Variants in ABCC9 observed in about 807,000 individuals in gnomAD.
ABCC9 encodes the protein ATP-binding cassette sub-family C member 9.
Under a neutral mutation model 188.3 loss-of-function variants are expected in ABCC9, and 95 were observed. The observed-to-expected ratio is 0.50, with a 90% CI of 0.43 to 0.60. The LOEUF (loss-of-function observed/expected upper bound fraction) is 0.60. ABCC9 is among the 20% of genes least tolerant of loss of function. The pLI is 0.00. For synonymous variants in ABCC9, 659 were observed against 652.7 expected (o/e 1.01, Z -0.15); for missense variants, 1,102 against 1,876.3 (o/e 0.59, Z 7.62).
At chr12:21,886,095 AAAATTT>A (rs1379367264) in intron 15 of ABCC9, among the ~76,000 whole-genome samples, 2 of 152,192 alleles carry the variant, frequency 1.3e-5, no homozygotes, top group African/African-American at 4.8e-5. Context: ...GAATTTCTTC[AAAATTT>A]TTTAGACACT....
At chr12:21,935,657 G>C (rs1321723288) in intron 3 of ABCC9, among the ~76,000 whole-genome samples, 2 of 152,084 alleles carry the variant, frequency 1.3e-5, no homozygotes, top group African/African-American at 4.8e-5. Context: ...TGTCTCCTGT[G>C]AAAAGATAGG....
chr12:21,929,160 A>G (rs1949171932), intron 4 of ABCC9, among the ~76,000 whole-genome samples: 1 of 152,108 alleles, frequency 6.6e-6, no homozygotes, highest in Non-Finnish European at 1.5e-5. Context: ...TAATACAATC[A>G]GTAAACGCAA....
rs564071879 is a variant in ABCC9 at position 21,852,085 on chromosome 12, A to G, written c.2769+12T>C. The G allele has an allele frequency of 1.2e-6, 2 of 1,613,502 alleles. No homozygotes were observed. The highest frequency in any genetic ancestry group is 2.2e-5 in the South Asian group (2 of 91,072). ...ATTGGGCTCTGAACTCTTCTGAACTATGAGCACTTACCTTTTCTAATTCTT... is the reference window on the plus strand; with the variant it reads ...ATTGGGCTCTGAACTCTTCTGAACTGTGAGCACTTACCTTTTCTAATTCTT... On this transcript the variant is annotated intron_variant, in intron 24 of 39. Coordinates refer to ENST00000261200, the MANE Select transcript of ABCC9 (RefSeq NM_020297.4).
chr12:21,842,768 GA>G (rs1419742111), intron 28 of ABCC9, among the ~76,000 whole-genome samples: 4 of 152,170 alleles, frequency 2.6e-5, no homozygotes, highest in Non-Finnish European at 5.9e-5. Context: ...GAGCAAGACA[GA>G]CTGTAAATCT....
In ABCC9 at chr12:21,937,573, CCAAA is replaced by C. The variant is rs762398125; in HGVS notation, c.-20-883_-20-880del. Among the ~76,000 whole-genome samples, 103 of 152,156 alleles carry C rather than the reference CCAAA, an allele frequency of 6.8e-4. 2 individuals carry two copies. Among genetic ancestry groups the C allele is most frequent in the Admixed American group, 7.2e-4 (11 of 15,242 alleles). ...AAATGGTTCTCTATTAATGCTGTGC[CCAAA>C]CAGATGGGAGATGAGCAAAGGTCTG... On this transcript the variant is annotated intron_variant, in intron 2 of 39. Transcript: ENST00000261200.
At chr12:21,806,998 CAG>C (rs1941902060) in intron 38 of ABCC9, among the ~76,000 whole-genome samples, 1 of 152,140 alleles carries the variant, frequency 6.6e-6, no homozygotes, top group South Asian at 2.1e-4. Flanking sequence ...TTCTATTAAA[CAG>C]AGATTTTCGT....
At chr12:21,929,678 G>A (rs2138723) in intron 4 of ABCC9, among the ~76,000 whole-genome samples, 60,369 of 151,800 alleles carry the variant, frequency 0.4, 12,205 homozygotes, top group Admixed American at 0.43. Context: ...AGATTCTTAC[G>A]GAAGCAGTTT....
At chr12:21,927,396 A>G (rs1347226588) in intron 4 of ABCC9, among the ~76,000 whole-genome samples, 1 of 152,186 alleles carries the variant, frequency 6.6e-6, no homozygotes, top group Non-Finnish European at 1.5e-5. Context: ...GAAGGAAGAA[A>G]AGCAGTTAGG....
intron 13 of ABCC9, among the ~76,000 whole-genome samples, chr12:21,894,603 G>C (rs868742086): frequency 1.6e-4 from 7 of 43,296 alleles, no homozygotes; most frequent in Admixed American, 3.4e-4. Flanking sequence ...ATCCAAAGAA[G>C]ACTTACTTCC....
rs188664439 is a variant in ABCC9, at chr12:21,845,514, G to A, written c.3096+89C>T. On this transcript the variant is annotated intron_variant, in intron 26 of 39. Transcript: ENST00000261200. ...TATCACAGAAGTCCTATGGCATTTG[G>A]GATATAAGCATCTAACTAGATAAGA... 4.3e-3 allele frequency: 4,226 copies of A among 981,902 alleles called. 14 individuals carry two copies. Among genetic ancestry groups the A allele is most frequent in the Middle Eastern group, 0.011 (52 of 4,872 alleles). The allele number at this position is 981,902 out of a possible 1,614,324, so 60.8% of individuals were successfully genotyped here.
At chr12:21,850,193 C>T (rs148223610) in intron 24 of ABCC9, among the ~76,000 whole-genome samples, 1 of 149,890 alleles carries the variant, frequency 6.7e-6, no homozygotes, top group African/African-American at 2.5e-5. Flanking sequence ...TTTGTGACAA[C>T]AAAAATGTCT....
chr12:21,940,864 G>C (rs1465277077), intron 1 of ABCC9, 39 bp from the exon 2 acceptor site: 5 of 152,128 alleles, frequency 3.3e-5, no homozygotes, highest in African/African-American at 1.2e-4. Context: ...TAAGCAGATA[G>C]AAAACTACTT....
In ABCC9 at chr12:21,915,905, A is replaced by T; in HGVS notation, c.579T>A (p.Tyr193Ter). The T allele has an allele frequency of 6.2e-7, 1 of 1,612,166 alleles. No homozygotes were observed. The highest frequency in any genetic ancestry group is 1.1e-5 in the South Asian group (1 of 91,018). ...CTTTCTGAGGATTCATGAAAAATAC[A>T]TATCTCTGTGGCAAGAAAAATTCCA... ...VEINVIRVRR[Y>*]VFFMNPQKVK... The change falls in exon 7 of 40, where the codon TAT becomes TAA. Residue 193 changes from tyrosine to a stop codon, truncating the protein, a stop_gained. Transcript: ENST00000261200. LOFTEE classifies it high-confidence loss of function.
At chr12:21,803,669 A>C (rs1395480469) in intron 39 of ABCC9, among the ~76,000 whole-genome samples, 1 of 152,072 alleles carries the variant, frequency 6.6e-6, no homozygotes, top group Non-Finnish European at 1.5e-5. Flanking sequence ...AAAAAAAAAA[A>C]AAAAAACATT....
rs1356466495 is a variant in ABCC9 at position 21,937,752 on chromosome 12, A to T, written c.-20-1058T>A. The stretch of plus-strand genomic sequence containing the variant: ...TGTAATTCATCTTTTACAATGGAGG[A>T]TACTGAGGTCCAGATAAGTTCAGTA... On this transcript the variant is annotated intron_variant, in intron 2 of 39. Transcript: ENST00000261200. Among the ~76,000 whole-genome samples the T allele has an allele frequency of 4.6e-5, 7 of 152,304 alleles. No individual in the cohort carries two copies. The East Asian group carries it at 1.4e-3, about 29-fold the overall frequency.
At chr12:21,902,513 G>A (rs991120144) in intron 12 of ABCC9, among the ~76,000 whole-genome samples, 1 of 152,146 alleles carries the variant, frequency 6.6e-6, no homozygotes, top group African/African-American at 2.4e-5. Context: ...CCAGGAGCTG[G>A]TTTTTTGAAA....
Position 21,933,907 on chromosome 12 carries a change from G to A in ABCC9, c.159C>T (p.Ser53=), listed in dbSNP as rs779463030. 1 of 1,613,556 alleles carries A rather than the reference G, an allele frequency of 6.2e-7. No individual in the cohort carries two copies. The highest frequency in any genetic ancestry group is 8.5e-7 in the Non-Finnish European group (1 of 1,179,612). Residue 53 remains serine, a synonymous_variant, in exon 4 of 40, where the codon AGC becomes AGT. Transcript: ENST00000261200. ...PILFIGWGSQ[S]SKVQIHHNTW... is the part of the protein sequence containing the mutation. Reference sequence around the variant, plus strand: ...TGTTGTGGTGAATTTGTACTTTTGAGCTTTGGCTCCCCCACCCTGGAAAAG... The same window carrying A: ...TGTTGTGGTGAATTTGTACTTTTGAACTTTGGCTCCCCCACCCTGGAAAAG...
intron 32 of ABCC9, 44 bp downstream of exon 32, chr12:21,818,106 G>A (rs367721485): frequency 1.3e-5 from 18 of 1,356,500 alleles, no homozygotes; most frequent in Non-Finnish European, 1.7e-5. Flanking sequence ...GAGAACATGC[G>A]GTGTTTGGTT....
intron 2 of ABCC9, among the ~76,000 whole-genome samples, chr12:21,937,823 C>T (rs1212271747): frequency 6.6e-6 from 1 of 152,146 alleles, no homozygotes; most frequent in African/African-American, 2.4e-5. Flanking sequence ...AAATATCTGA[C>T]TTATAAACTA....
Sources: gnomAD v4.1 joint callset for allele counts (sites outside exome capture counted in the v4.1 genomes callset) on GRCh38, gnomAD v4.1.1 for gene constraint, MANE v1.5 for transcripts, NCBI Gene and HGNC (gene_info 2026-07-23, HGNC 2026-07-21) for gene names.